Variants in FHIT observed in about 807,000 individuals in gnomAD.
The protein encoded by FHIT is fragile histidine triad diadenosine triphosphatase.
FHIT carries 19 observed loss-of-function variants against 17.9 expected under a neutral mutation model. That is an observed-to-expected ratio of 1.06 (90% confidence interval 0.74 to 1.56). The LOEUF is 1.56. FHIT is among the 40% of genes most tolerant of loss of function. FHIT has a pLI of 0.00. For synonymous variants in FHIT, 81 were observed against 69.7 expected, an observed-to-expected ratio of 1.16 and a Z score of -0.81; for missense variants, 248 against 189.2, an observed-to-expected ratio of 1.31 and a Z score of -1.82.
intron 2 of FHIT, among the ~76,000 whole-genome samples, chr3:61,076,050 G>A (rs2034961365): frequency 6.6e-6 from 1 of 152,108 alleles, no homozygotes; most frequent in Non-Finnish European, 1.5e-5. Flanking sequence ...TCATTTTACA[G>A]AGAAGGGAAG....
chr3:60,227,145 G>A (rs1435846391), intron 5 of FHIT, among the ~76,000 whole-genome samples: 1 of 152,012 alleles, frequency 6.6e-6, no homozygotes, highest in Non-Finnish European at 1.5e-5. Flanking sequence ...TAGAAAAATG[G>A]GCTGGGGCAA....
At chr3:61,018,556 G>A (rs1291623902) in intron 3 of FHIT, among the ~76,000 whole-genome samples, 1 of 152,206 alleles carries the variant, frequency 6.6e-6, no homozygotes, top group Non-Finnish European at 1.5e-5. Flanking sequence ...TAGACAGTCA[G>A]ATGCCCACAA....
intron 4 of FHIT, among the ~76,000 whole-genome samples, chr3:60,783,514 G>A (rs1378658961): frequency 6.6e-6 from 1 of 152,114 alleles, no homozygotes; most frequent in African/African-American, 2.4e-5. Flanking sequence ...ATGAGGCCCT[G>A]GTTTACTGTA....
At chr3:60,603,295 A>C (rs540965336) in intron 4 of FHIT, among the ~76,000 whole-genome samples, 2 of 152,302 alleles carry the variant, frequency 1.3e-5, no homozygotes, top group South Asian at 4.1e-4. Context: ...AATTCCTTGG[A>C]TTTCACTTTC....
At chr3:60,342,025 G>T (rs560600739) in intron 5 of FHIT, among the ~76,000 whole-genome samples, 10 of 152,266 alleles carry the variant, frequency 6.6e-5, no homozygotes, top group African/African-American at 2.4e-4. Context: ...AGCAAAGCAA[G>T]AGGGGATCCT....
At chr3:60,868,718 C>A (rs888085071) in intron 3 of FHIT, among the ~76,000 whole-genome samples, 2 of 152,110 alleles carry the variant, frequency 1.3e-5, no homozygotes, top group East Asian at 1.9e-4. Flanking sequence ...GACATTAACT[C>A]CCCTGTTAAC....
At chr3:60,819,027 TTTTTTCTTTTC>T (rs1320779560) in intron 4 of FHIT, among the ~76,000 whole-genome samples, 2,333 of 148,086 alleles carry the variant, frequency 0.016, 12 homozygotes, top group Middle Eastern at 0.021. Context: ...TTTTCTTTTC[TTTTTTCTTTTC>T]TTTTTTTTTT....
At chr3:60,574,519 A>G (rs2037499776) in intron 4 of FHIT, among the ~76,000 whole-genome samples, 1 of 151,994 alleles carries the variant, frequency 6.6e-6, no homozygotes, top group South Asian at 2.1e-4. Flanking sequence ...TTCAGCCCCA[A>G]CTGAAAGGGA....
At chr3:60,407,701 G>A (rs962430874) in intron 5 of FHIT, among the ~76,000 whole-genome samples, 2 of 152,002 alleles carry the variant, frequency 1.3e-5, no homozygotes, top group African/African-American at 2.4e-5. Context: ...ATTTTTAGTC[G>A]AGACAGGGTT....
At chr3:60,045,007 C>T (rs1332283482) in intron 5 of FHIT, among the ~76,000 whole-genome samples, 1 of 152,034 alleles carries the variant, frequency 6.6e-6, no homozygotes, top group Non-Finnish European at 1.5e-5. Context: ...TACGTACCTT[C>T]TTTTGCTTGT....
intron 5 of FHIT, among the ~76,000 whole-genome samples, chr3:60,096,998 C>T (rs1407977183): frequency 9.0e-5 from 12 of 133,116 alleles, no homozygotes; most frequent in African/African-American, 3.4e-4. Flanking sequence ...CTGGCCAACA[C>T]AGTGAGACCC....
chr3:61,036,911 T>G (rs1223626317), intron 3 of FHIT, among the ~76,000 whole-genome samples: 4 of 112,368 alleles, frequency 3.6e-5, no homozygotes, highest in East Asian at 2.9e-4. Context: ...GTTTTTTTTT[T>G]TTGTTTGTTT....
In FHIT at chr3:61,144,142, T is replaced by A. The variant is rs930348766; in HGVS notation, c.-164+56475A>T. 3.3e-5 allele frequency among the ~76,000 whole-genome samples: 5 copies of A among 152,192 alleles called. No individual in the cohort carries two copies. The South Asian group carries it at 6.2e-4, about 19-fold the overall frequency. ...TTGTGCAACCAAGAACACAATCAATTTTATAACATTTCCTCATCCCAAAAA... is the reference window on the plus strand; with the variant it reads ...TTGTGCAACCAAGAACACAATCAATATTATAACATTTCCTCATCCCAAAAA... On this transcript the variant is annotated intron_variant, in intron 2 of 9. Transcript: ENST00000492590.
intron 7 of FHIT, among the ~76,000 whole-genome samples, chr3:59,966,219 GGCACCCAAGAGAGAAA>G (rs750692563): frequency 1.4e-4 from 22 of 152,260 alleles, no homozygotes; most frequent in Non-Finnish European, 2.5e-4. Context: ...ACTAGAAGCT[GGCACCCAAGAGAGAAA>G]GCACCTCTTT....
At chr3:60,222,898 C>G (rs1375660064) in intron 5 of FHIT, among the ~76,000 whole-genome samples, 1 of 152,118 alleles carries the variant, frequency 6.6e-6, no homozygotes, top group Non-Finnish European at 1.5e-5. Flanking sequence ...GAGACTCCAT[C>G]TCAAAAACAA....
intron 5 of FHIT, among the ~76,000 whole-genome samples, chr3:60,217,592 A>T (rs1355114690): frequency 1.3e-5 from 2 of 152,188 alleles, no homozygotes; most frequent in African/African-American, 4.8e-5. Context: ...CTTGTAGAAT[A>T]AAACCTACGC....
At chr3:60,504,253 G>A (rs1210158890) in intron 5 of FHIT, among the ~76,000 whole-genome samples, 1 of 151,942 alleles carries the variant, frequency 6.6e-6, no homozygotes, top group Non-Finnish European at 1.5e-5. Context: ...GGCCAACATG[G>A]TGAAACCCCG....
chr3:61,057,422 A>G (rs1480702513), intron 2 of FHIT, among the ~76,000 whole-genome samples: 2 of 152,180 alleles, frequency 1.3e-5, no homozygotes, highest in Non-Finnish European at 2.9e-5. Context: ...GGTGGTGGAA[A>G]AGGCCTTTGT....
intron 8 of FHIT, among the ~76,000 whole-genome samples, chr3:59,834,231 T>TCTC (rs796268889): frequency 6.6e-6 from 1 of 152,194 alleles, no homozygotes; most frequent in Non-Finnish European, 1.5e-5. Flanking sequence ...ACTCCAGTGT[T>TCTC]CTCCTGTACA....
Sources: allele counts gnomAD v4.1 joint callset (sites outside exome capture counted in the v4.1 genomes callset), GRCh38; gene constraint gnomAD v4.1.1; transcripts MANE v1.5; gene names NCBI Gene and HGNC (gene_info 2026-07-23, HGNC 2026-07-21).